The following LDB2 variants were observed in gnomAD, a reference collection of about 807,000 sequenced individuals.
LDB2 encodes LIM domain binding 2.
LDB2 carries 12 observed loss-of-function variants against 44.3 expected under a neutral mutation model. That is an observed-to-expected ratio of 0.27 (90% CI 0.17 to 0.44). The LOEUF is 0.44. Ranked by LOEUF, LDB2 falls within the 20% of genes least tolerant of loss-of-function variation. The pLI is 1.00. For synonymous variants in LDB2, 164 were observed against 174.8 expected (o/e 0.94, Z 0.49); for missense variants, 344 against 473.5 (o/e 0.73, Z 2.54).
chr4:16,749,589 A>T (rs1973648), intron 2 of LDB2, among the ~76,000 whole-genome samples: 31,946 of 143,228 alleles, frequency 0.22, 4,365 homozygotes, highest in South Asian at 0.36. Context: ...AATAAAAAAA[A>T]ATATATATAT....
At chr4:16,570,934 T>C (rs1161368154) in intron 5 of LDB2, among the ~76,000 whole-genome samples, 4 of 152,166 alleles carry the variant, frequency 2.6e-5, no homozygotes, top group African/African-American at 4.8e-5. Context: ...GTGAGGAAAT[T>C]GAGGCACAGA....
intron 1 of LDB2, among the ~76,000 whole-genome samples, chr4:16,873,873 T>C (rs990256116): frequency 2.0e-5 from 3 of 152,232 alleles, no homozygotes; most frequent in African/African-American, 4.8e-5. Flanking sequence ...CTCATGTCAA[T>C]TGCAGGAATT....
chr4:16,592,568 CAGG>C (rs1719511838), intron 3 of LDB2, among the ~76,000 whole-genome samples: 1 of 147,406 alleles, frequency 6.8e-6, no homozygotes, highest in Non-Finnish European at 1.5e-5. Flanking sequence ...TGGTTAGAGT[CAGG>C]AGAAGAGAAG....
At chr4:16,721,613 A>T (rs1455869196) in intron 2 of LDB2, among the ~76,000 whole-genome samples, 1 of 152,156 alleles carries the variant, frequency 6.6e-6, no homozygotes, top group Non-Finnish European at 1.5e-5. Context: ...TTGCACACAA[A>T]TGTATCCATA....
intron 1 of LDB2, among the ~76,000 whole-genome samples, chr4:16,878,416 C>T (rs896055640): frequency 2.0e-5 from 3 of 152,150 alleles, no homozygotes; most frequent in Non-Finnish European, 4.4e-5. Context: ...ACGGCTAATC[C>T]ATCGCCCATA....
At chr4:16,529,901 G>A (rs1254993199) in intron 5 of LDB2, among the ~76,000 whole-genome samples, 1 of 152,204 alleles carries the variant, frequency 6.6e-6, no homozygotes, top group East Asian at 1.9e-4. Context: ...GTCTCTAGAT[G>A]TGAGAAAGAA....
chr4:16,749,984 T>C (rs2109096234), intron 2 of LDB2, among the ~76,000 whole-genome samples: 1 of 152,256 alleles, frequency 6.6e-6, no homozygotes, highest in East Asian at 1.9e-4. Flanking sequence ...TGCCTCGTTG[T>C]ACTTTTTATA....
intron 2 of LDB2, among the ~76,000 whole-genome samples, chr4:16,616,605 A>T (rs1049811678): frequency 6.6e-6 from 1 of 152,000 alleles, no homozygotes; most frequent in African/African-American, 2.4e-5. Flanking sequence ...GGTTGGGGAG[A>T]CAAGGCCACC....
At chr4:16,778,760 T>C (rs752020721) in intron 1 of LDB2, among the ~76,000 whole-genome samples, 3 of 152,210 alleles carry the variant, frequency 2.0e-5, no homozygotes, top group Admixed American at 6.5e-5. Flanking sequence ...GTAGATAATG[T>C]TGTCATCATC....
intron 2 of LDB2, among the ~76,000 whole-genome samples, chr4:16,627,921 C>G (rs1389331291): frequency 6.6e-6 from 1 of 152,160 alleles, no homozygotes; most frequent in Non-Finnish European, 1.5e-5. Context: ...ACTGCTAACA[C>G]AGAGGGCCAA....
intron 3 of LDB2, among the ~76,000 whole-genome samples, chr4:16,592,242 G>A (rs910792130): frequency 6.6e-6 from 1 of 151,914 alleles, no homozygotes; most frequent in Non-Finnish European, 1.5e-5. Context: ...TAATTGTAAC[G>A]CAATATTGAC....
At chr4:16,834,577 C>T (rs1402435849) in intron 1 of LDB2, among the ~76,000 whole-genome samples, 1 of 152,124 alleles carries the variant, frequency 6.6e-6, no homozygotes, top group Non-Finnish European at 1.5e-5. Flanking sequence ...GCCTGTAATC[C>T]CAGCACTTTG....
chr4:16,677,338 C>T (rs7695622), intron 2 of LDB2, among the ~76,000 whole-genome samples: 3 of 152,116 alleles, frequency 2.0e-5, no homozygotes, highest in South Asian at 2.1e-4. Context: ...GCATAAAATA[C>T]GTTAACAAAT....
chr4:16,802,425 T>C (rs1486438827), intron 1 of LDB2, among the ~76,000 whole-genome samples: 1 of 152,068 alleles, frequency 6.6e-6, no homozygotes, highest in African/African-American at 2.4e-5. Context: ...TGTTCCTTCC[T>C]GGGGAAGAAC....
At chr4:16,588,336 C>T (rs1313433707) in intron 4 of LDB2, among the ~76,000 whole-genome samples, 4 of 152,146 alleles carry the variant, frequency 2.6e-5, no homozygotes, top group Non-Finnish European at 4.4e-5. Context: ...AACTGTTTTT[C>T]TAACTTCTTG....
intron 2 of LDB2, among the ~76,000 whole-genome samples, chr4:16,608,722 G>C (rs1724685465): frequency 6.6e-6 from 1 of 152,130 alleles, no homozygotes. Flanking sequence ...TTCAGTGGGG[G>C]ACTGGGGCTC....
At chr4:16,792,904 T>G (rs1776052858) in intron 1 of LDB2, among the ~76,000 whole-genome samples, 1 of 152,130 alleles carries the variant, frequency 6.6e-6, no homozygotes, top group Admixed American at 6.6e-5. Flanking sequence ...AATTTGGGGG[T>G]TCAAATCCCA....
At chr4:16,767,701 G>A (rs1769668010) in intron 1 of LDB2, among the ~76,000 whole-genome samples, 2 of 152,226 alleles carry the variant, frequency 1.3e-5, no homozygotes, top group African/African-American at 4.8e-5. Context: ...AACACAGACA[G>A]GGGAAGTGGT....
At chr4:16,876,553 AC>A (rs1427031590) in intron 1 of LDB2, among the ~76,000 whole-genome samples, 7 of 152,218 alleles carry the variant, frequency 4.6e-5, no homozygotes, top group Non-Finnish European at 1.0e-4. Flanking sequence ...TGGGTGAGTT[AC>A]TGTTGCTATA....
Sources: allele counts gnomAD v4.1 joint callset (sites outside exome capture counted in the v4.1 genomes callset), GRCh38; gene constraint gnomAD v4.1.1; transcripts MANE v1.5; gene names NCBI Gene and HGNC (gene_info 2026-07-23, HGNC 2026-07-21).